The following VPS13A variants were observed in gnomAD, a reference collection of about 807,000 sequenced individuals.
VPS13A encodes intermembrane lipid transfer protein VPS13A.
VPS13A carries 264 observed loss-of-function variants against 390.9 expected under a neutral mutation model. That is an observed-to-expected ratio of 0.68 (90% CI 0.61 to 0.75). VPS13A has a LOEUF of 0.75. VPS13A is among the 30% of genes least tolerant of loss of function. VPS13A has a pLI of 0.00. For missense variants in VPS13A, 3,409 were observed against 3,733.9 expected (o/e 0.91, Z 2.27); for synonymous variants, 1,231 against 1,227.1 (o/e 1.00, Z -0.07).
rs1462837870 is a variant in VPS13A at position 77,418,032 on chromosome 9, C to CT, written c.*2027dup. 1 of 152,156 alleles carries CT rather than the reference C, an allele frequency of 6.6e-6. No homozygotes were observed. Among genetic ancestry groups the CT allele is most frequent in the East Asian group, 1.9e-4 (1 of 5,196 alleles). 9.4% of individuals were successfully genotyped at this position (152,156 alleles called of 1,614,324 possible). A position where few individuals can be genotyped will look rare whatever the true frequency, so the allele number is the denominator to read the frequency against. ...GATTGTCTTCATCTAAACAAAAACA[C>CT]TAAGAAATCAGTAGATCACTAGATA... On this transcript the variant is annotated 3_prime_UTR_variant, in exon 72 of 72. Transcript: ENST00000360280.
chr9:77,400,939 G>T (rs928125731), intron 68 of VPS13A, among the ~76,000 whole-genome samples: 1 of 152,012 alleles, frequency 6.6e-6, no homozygotes, highest in Admixed American at 6.6e-5. Context: ...TAGAGAGAAG[G>T]ATACAGCTTT....
chr9:77,304,100 T>A (rs1376207906), intron 34 of VPS13A, among the ~76,000 whole-genome samples: 1 of 152,166 alleles, frequency 6.6e-6, no homozygotes, highest in Non-Finnish European at 1.5e-5. Flanking sequence ...TACCCGGCTT[T>A]CAAGGGCAGA....
chr9:77,406,037 T>C (rs1330679248), intron 70 of VPS13A, 50 bp downstream of exon 70: 1 of 1,605,904 alleles, frequency 6.2e-7, no homozygotes, highest in Non-Finnish European at 8.5e-7. Context: ...AAAATAATGC[T>C]TTGAAGTAGT....
intron 42 of VPS13A, 142 bp downstream of exon 42, chr9:77,319,815 G>A (rs1242623526): frequency 4.0e-6 from 2 of 504,832 alleles, no homozygotes; most frequent in East Asian, 3.3e-5. Context: ...TTCTGCACAT[G>A]TATAGCCTCC....
chr9:77,293,371 A>G lies in VPS13A; in HGVS notation c.3370A>G (p.Ser1124Gly), dbSNP rs1827788603. The G allele has an allele frequency of 1.2e-6, 2 of 1,613,218 alleles. No homozygotes were observed. Among genetic ancestry groups the G allele is most frequent in the African/African-American group, 1.3e-5 (1 of 74,900 alleles). ...AVYITGKEVFSFKMVSYMDAT... is the reference protein window; with the variant it reads ...AVYITGKEVFGFKMVSYMDAT... ...TTATATCACTGGAAAAGAAGTTTTCAGCTTCAAAATGGTTTCTTACATGGA... is the reference window on the plus strand; with the variant it reads ...TTATATCACTGGAAAAGAAGTTTTCGGCTTCAAAATGGTTTCTTACATGGA... The change falls in exon 32 of 72, where the codon AGC becomes GGC. Residue 1124 changes from serine to glycine, a missense_variant. Coordinates refer to ENST00000360280, the MANE Select transcript of VPS13A (RefSeq NM_033305.3).
chr9:77,316,806 G>A (rs1829418452), intron 39 of VPS13A, among the ~76,000 whole-genome samples: 1 of 151,882 alleles, frequency 6.6e-6, no homozygotes, highest in Non-Finnish European at 1.5e-5. Flanking sequence ...CTCAAATAAT[G>A]AGTTTTTCCT....
intron 22 of VPS13A, among the ~76,000 whole-genome samples, 164 bp from the exon 23 acceptor site, chr9:77,259,922 C>T (rs546249172): frequency 6.6e-6 from 1 of 152,202 alleles, no homozygotes; most frequent in East Asian, 1.9e-4. Flanking sequence ...GAGTTTAGCC[C>T]ATCTAATGAA....
At chr9:77,184,794 G>A (rs915952643) in intron 1 of VPS13A, among the ~76,000 whole-genome samples, 7 of 151,950 alleles carry the variant, frequency 4.6e-5, no homozygotes, top group African/African-American at 1.7e-4. Flanking sequence ...TGGTCATGAC[G>A]TGTATGTTTA....
intron 2 of VPS13A, 67 bp from the exon 3 acceptor site, chr9:77,201,298 G>A (rs1012645934): frequency 2.4e-5 from 26 of 1,090,908 alleles, no homozygotes; most frequent in Non-Finnish European, 3.2e-5. Context: ...GAAGTAAAGA[G>A]TATTCATTTA....
rs1048901371 is a variant in VPS13A at position 77,307,845 on chromosome 9, G to C, written c.3961-100G>C. ...TGTTTAATTGGTGTGGTAGAGGATT[G>C]AAACAGTCTTTCATTTTTCTCCTCT... On this transcript the variant is annotated intron_variant, in intron 34 of 71. Transcript: ENST00000360280. 4 of 970,854 alleles carry C rather than the reference G, an allele frequency of 4.1e-6. No homozygotes were observed. The African/African-American group carries it at 4.9e-5, about 12-fold the overall frequency. The allele number at this position is 970,854 out of a possible 1,614,324, so 60.1% of individuals were successfully genotyped here.
chr9:77,178,105 G>T, intron 1 of VPS13A: 1 of 362,294 alleles, frequency 2.8e-6, no homozygotes, highest in South Asian at 2.3e-5. Context: ...AAGTCCCGGC[G>T]AGGGGCCGTT....
At chr9:77,399,338 TCTTA>T (rs1241457653) in intron 68 of VPS13A, among the ~76,000 whole-genome samples, 1 of 152,204 alleles carries the variant, frequency 6.6e-6, no homozygotes, top group Non-Finnish European at 1.5e-5. Context: ...TTCTTTTAGC[TCTTA>T]CTTATACCAG....
intron 33 of VPS13A, 98 bp from the exon 34 acceptor site, chr9:77,302,817 C>A: frequency 1.6e-6 from 2 of 1,260,034 alleles, no homozygotes; most frequent in East Asian, 2.5e-5. Flanking sequence ...TTATTGATTT[C>A]TGCTATTTGC....
intron 36 of VPS13A, 96 bp downstream of exon 36, chr9:77,314,215 T>A: frequency 7.5e-7 from 1 of 1,337,308 alleles, no homozygotes; most frequent in Non-Finnish European, 1.0e-6. Context: ...AACATTTATT[T>A]TGTAGTATCT....
chr9:77,210,743 T>A, intron 7 of VPS13A, 68 bp downstream of exon 7: 1 of 1,487,498 alleles, frequency 6.7e-7, no homozygotes, highest in Non-Finnish European at 9.4e-7. Context: ...CTGCTACTAT[T>A]TGTATATGCC....
intron 27 of VPS13A, among the ~76,000 whole-genome samples, chr9:77,280,489 C>G (rs752032185): frequency 1.3e-5 from 2 of 151,530 alleles, no homozygotes; most frequent in Non-Finnish European, 2.9e-5. Flanking sequence ...TTTTTTTCTC[C>G]CAACAGGGGT....
chr9:77,186,541 G>T (rs867050799), intron 1 of VPS13A, among the ~76,000 whole-genome samples: 1 of 152,000 alleles, frequency 6.6e-6, no homozygotes, highest in Non-Finnish European at 1.5e-5. Context: ...GGGTTCAAGC[G>T]ATTCTCCTGC....
chr9:77,405,745 A>G, intron 69 of VPS13A, 119 bp from the exon 70 acceptor site: 1 of 1,275,804 alleles, frequency 7.8e-7, no homozygotes, highest in Middle Eastern at 1.9e-4. Flanking sequence ...AAGAATATAG[A>G]ATATAGTCTA....
chr9:77,369,455 C>T (rs1832624591), intron 63 of VPS13A, 43 bp downstream of exon 63: 7 of 1,212,754 alleles, frequency 5.8e-6, no homozygotes, highest in Non-Finnish European at 8.6e-6. Context: ...GTCACTAATA[C>T]TTTTGAATAG....
Sources: allele counts gnomAD v4.1 joint callset (sites outside exome capture counted in the v4.1 genomes callset), GRCh38; gene constraint gnomAD v4.1.1; transcripts MANE v1.5; gene names NCBI Gene and HGNC (gene_info 2026-07-23, HGNC 2026-07-21).